The following IMMP2L variants were observed in gnomAD, a reference collection of about 807,000 sequenced individuals.
IMMP2L encodes mitochondrial inner membrane protease subunit 2.
Under a neutral mutation model 19.3 loss-of-function variants are expected in IMMP2L, and 18 were observed. The ratio of observed to expected loss-of-function variants is 0.93; its 90% CI spans 0.64 to 1.38. IMMP2L has a LOEUF of 1.38. Among genes scored for constraint, IMMP2L ranks in the 40% most tolerant of loss-of-function variants. The probability of loss-of-function intolerance (pLI) is 0.00; values close to 1 mark genes in which losing one functional copy is unlikely to be tolerated. For synonymous variants in IMMP2L, 76 were observed against 73.0 expected (o/e 1.04, Z -0.21); for missense variants, 233 against 218.2 (o/e 1.07, Z -0.43).
In IMMP2L at chr7:110,780,563, C is replaced by A. The variant is rs188876067; in HGVS notation, c.408+106030G>T. Among the ~76,000 whole-genome samples the A allele has an allele frequency of 6.6e-5, 10 of 151,812 alleles. No homozygotes were observed. The East Asian group carries it at 2.0e-3, about 30-fold the overall frequency. On this transcript the variant is annotated intron_variant, in intron 5 of 5. Transcript: ENST00000405709. ...ATCTCACAACTCTTCGAACACACAACCCTGCTTGCCTGATCTCTCTGCCTC... is the reference window on the plus strand; with the variant it reads ...ATCTCACAACTCTTCGAACACACAAACCTGCTTGCCTGATCTCTCTGCCTC...
chr7:111,427,416 T>G (rs766721873), intron 3 of IMMP2L, among the ~76,000 whole-genome samples: 4 of 151,440 alleles, frequency 2.6e-5, no homozygotes, highest in Non-Finnish European at 5.9e-5. Context: ...TAAAAGAAAA[T>G]GAAGAACATT....
At chr7:110,996,489 T>A (rs543850993) in intron 3 of IMMP2L, among the ~76,000 whole-genome samples, 1 of 152,208 alleles carries the variant, frequency 6.6e-6, no homozygotes, top group African/African-American at 2.4e-5. Flanking sequence ...CAGCAAGGCT[T>A]AAGAAATGTT....
At chr7:111,358,895 G>A (rs879382614) in intron 3 of IMMP2L, among the ~76,000 whole-genome samples, 3 of 152,090 alleles carry the variant, frequency 2.0e-5, no homozygotes, top group Non-Finnish European at 2.9e-5. Flanking sequence ...AATCATTGTC[G>A]ACATACTATT....
At chr7:111,312,803 T>C (rs1823659302) in intron 3 of IMMP2L, among the ~76,000 whole-genome samples, 1 of 152,100 alleles carries the variant, frequency 6.6e-6, no homozygotes, top group Admixed American at 6.6e-5. Flanking sequence ...AATCTCAAAT[T>C]CTCATCTTTG....
chr7:110,858,709 C>T (rs533151641), intron 5 of IMMP2L, among the ~76,000 whole-genome samples: 8 of 151,860 alleles, frequency 5.3e-5, no homozygotes, highest in African/African-American at 7.3e-5. Flanking sequence ...CCCATTAACT[C>T]GTCATTTAGC....
chr7:111,000,808 C>T (rs1352687719), intron 3 of IMMP2L, among the ~76,000 whole-genome samples: 1 of 150,810 alleles, frequency 6.6e-6, no homozygotes, highest in Non-Finnish European at 1.5e-5. Flanking sequence ...AGTGCCACTG[C>T]ACTCCAGCCT....
intron 3 of IMMP2L, among the ~76,000 whole-genome samples, chr7:111,418,974 A>C (rs1326174776): frequency 6.6e-6 from 1 of 151,766 alleles, no homozygotes; most frequent in African/African-American, 2.4e-5. Flanking sequence ...TTTTTTCAAT[A>C]TTGTGTTGCG....
chr7:111,032,745 C>T (rs1790957005), intron 3 of IMMP2L, among the ~76,000 whole-genome samples: 1 of 152,042 alleles, frequency 6.6e-6, no homozygotes, highest in Non-Finnish European at 1.5e-5. Flanking sequence ...TTGCTTGAAT[C>T]CAGGAGGTGG....
chr7:111,173,425 C>T (rs1367049591), intron 3 of IMMP2L, among the ~76,000 whole-genome samples: 9 of 151,580 alleles, frequency 5.9e-5, no homozygotes, highest in Non-Finnish European at 1.3e-4. Context: ...CACACCCGTT[C>T]TGTGAGCTAC....
chr7:111,533,850 A>G (rs1847626294), intron 1 of IMMP2L, among the ~76,000 whole-genome samples: 1 of 152,068 alleles, frequency 6.6e-6, no homozygotes, highest in Non-Finnish European at 1.5e-5. Flanking sequence ...ATACTGATAG[A>G]TTTCACTACA....
intron 5 of IMMP2L, among the ~76,000 whole-genome samples, chr7:110,689,473 C>T (rs982828915): frequency 6.6e-6 from 1 of 152,070 alleles, no homozygotes; most frequent in African/African-American, 2.4e-5. Context: ...GTCTAATCTG[C>T]CTGTTTAAAC....
intron 5 of IMMP2L, among the ~76,000 whole-genome samples, chr7:110,866,734 C>T (rs1205745206): frequency 6.6e-6 from 1 of 152,056 alleles, no homozygotes; most frequent in Non-Finnish European, 1.5e-5. Context: ...AAGCCTTGAA[C>T]CCAAAGGAGT....
intron 3 of IMMP2L, among the ~76,000 whole-genome samples, chr7:111,182,852 G>A (rs1807858765): frequency 6.6e-6 from 1 of 151,934 alleles, no homozygotes; most frequent in Admixed American, 6.6e-5. Context: ...TCTCTCAAGT[G>A]CTTATGTAAA....
At chr7:110,997,358 C>G (rs539420480) in intron 3 of IMMP2L, among the ~76,000 whole-genome samples, 1 of 152,004 alleles carries the variant, frequency 6.6e-6, no homozygotes, top group Non-Finnish European at 1.5e-5. Flanking sequence ...CTGTAGACAT[C>G]AATATTCAGA....
At chr7:111,397,261 G>C (rs1459507618) in intron 3 of IMMP2L, among the ~76,000 whole-genome samples, 2 of 151,836 alleles carry the variant, frequency 1.3e-5, no homozygotes, top group Admixed American at 1.3e-4. Flanking sequence ...TTTTTTGTTT[G>C]ACAATATTAT....
At chr7:110,845,206 G>C (rs1187209424) in intron 5 of IMMP2L, among the ~76,000 whole-genome samples, 1 of 152,090 alleles carries the variant, frequency 6.6e-6, no homozygotes, top group Non-Finnish European at 1.5e-5. Context: ...ATCTAGTACA[G>C]TGCTTAGCAG....
chr7:110,825,716 C>G (rs536501630), intron 5 of IMMP2L, among the ~76,000 whole-genome samples: 1 of 152,262 alleles, frequency 6.6e-6, no homozygotes, highest in East Asian at 1.9e-4. Flanking sequence ...AAATGTTAGA[C>G]CTAAAACCAT....
chr7:111,557,461 C>T (rs981104294), intron 1 of IMMP2L, among the ~76,000 whole-genome samples: 1 of 152,190 alleles, frequency 6.6e-6, no homozygotes, highest in African/African-American at 2.4e-5. Flanking sequence ...CCAGTATACA[C>T]TATGTTCTCG....
rs1215180639 is a variant in IMMP2L at position 111,459,722 on chromosome 7, G to A, written c.239+27516C>T. Among the ~76,000 whole-genome samples, 9 of 152,020 alleles carry A rather than the reference G, an allele frequency of 5.9e-5. No homozygotes were observed. The South Asian group carries it at 1.0e-3, about 18-fold the overall frequency. On this transcript the variant is annotated intron_variant, in intron 3 of 5. Coordinates refer to ENST00000405709, the MANE Select transcript of IMMP2L (RefSeq NM_032549.4). ...GTTTCTGTTACTATTATATATCATC[G>A]ATAATTTCTTATAGTAAAATATAGC...
Sources: allele counts gnomAD v4.1 joint callset (sites outside exome capture counted in the v4.1 genomes callset), GRCh38; gene constraint gnomAD v4.1.1; transcripts MANE v1.5; gene names NCBI Gene and HGNC (gene_info 2026-07-23, HGNC 2026-07-21).